The following LPIN2 variants were observed in gnomAD, a reference collection of about 807,000 sequenced individuals.
LPIN2 encodes the protein lipin 2.
A neutral mutation model predicts 111.4 loss-of-function variants in LPIN2; 55 were observed. The ratio of observed to expected loss-of-function variants is 0.49; its 90% CI spans 0.40 to 0.62. LPIN2 has a LOEUF of 0.62. Among genes scored for constraint, LPIN2 ranks in the 20% least tolerant of loss-of-function variants. The pLI is 0.00. For synonymous variants in LPIN2, 425 were observed against 414.0 expected (o/e 1.03, Z -0.32); for missense variants, 992 against 1,112.1 (o/e 0.89, Z 1.54).
At chr18:2,926,891 C>G in intron 12 of LPIN2, 86 bp from the exon 13 acceptor site, 2 of 1,001,504 alleles carry the variant, frequency 2.0e-6, no homozygotes, top group Non-Finnish European at 3.1e-6. Flanking sequence ...TAGGAAAGAA[C>G]ACAACTGCCT....
rs571373142 is a variant in LPIN2 at position 2,918,569 on chromosome 18, A to G, written c.*1724T>C. 3.4e-4 allele frequency: 52 copies of G among 152,356 alleles called. No individual in the cohort carries two copies. Among genetic ancestry groups the G allele is most frequent in the African/African-American group, 1.2e-3 (49 of 41,578 alleles). 9.4% of individuals were successfully genotyped at this position (152,356 alleles called of 1,614,324 possible). A position where few individuals can be genotyped will look rare whatever the true frequency, so the allele number is the denominator to read the frequency against. On this transcript the variant is annotated 3_prime_UTR_variant, in exon 20 of 20. Transcript: ENST00000677752. ...AGATAAATAAACTCATTAAACAATT[A>G]GTCCTTATCAACTATTTAAGCTGGG...
chr18:2,947,844 A>C (rs1218799894), intron 4 of LPIN2, among the ~76,000 whole-genome samples: 1 of 152,192 alleles, frequency 6.6e-6, no homozygotes, highest in East Asian at 1.9e-4. Flanking sequence ...GATTTTGAAC[A>C]CGTTGTTTCA....
chr18:2,927,388 T>C (rs1373306645), intron 12 of LPIN2, among the ~76,000 whole-genome samples: 3 of 152,234 alleles, frequency 2.0e-5, no homozygotes, highest in Non-Finnish European at 4.4e-5. Flanking sequence ...TGCTCCTATC[T>C]GATAGGTAAT....
intron 2 of LPIN2, among the ~76,000 whole-genome samples, chr18:2,960,110 CA>C (rs2077686024): frequency 6.6e-6 from 1 of 151,266 alleles, no homozygotes; most frequent in Admixed American, 6.6e-5. Context: ...GCGGAGGTTG[CA>C]GTGAGCCAAG....
At chr18:2,921,759 C>T (rs2077056880) in intron 17 of LPIN2, 112 bp from the exon 18 acceptor site, 7 of 833,588 alleles carry the variant, frequency 8.4e-6, no homozygotes, top group Middle Eastern at 2.8e-4. Flanking sequence ...CCCTTTGTAA[C>T]TGGAATCTTT....
rs184193388 is a variant in LPIN2, at chr18:2,919,935, C to A, written c.*358G>T. 2.8e-6 allele frequency: 1 copy of A among 357,946 alleles called. No individual in the cohort carries two copies. The highest frequency in any genetic ancestry group is 5.4e-6 in the Non-Finnish European group (1 of 184,244). The allele number at this position is 357,946 out of a possible 1,614,324, so 22.2% of individuals were successfully genotyped here. On this transcript the variant is annotated 3_prime_UTR_variant, in exon 20 of 20. Coordinates refer to ENST00000677752, the MANE Select transcript of LPIN2 (RefSeq NM_001375808.2). ...CAACTGCCCAGTGGAAACTGGAACACTTCACTGTGTGCAGTGTTTTGGTCC... is the reference window on the plus strand; with the variant it reads ...CAACTGCCCAGTGGAAACTGGAACAATTCACTGTGTGCAGTGTTTTGGTCC...
intron 1 of LPIN2, chr18:2,991,211 A>G (rs902021599): frequency 5.2e-6 from 1 of 191,230 alleles, no homozygotes; most frequent in Non-Finnish European, 1.1e-5. Flanking sequence ...CCTTCCTATT[A>G]AAGAAAGAAT....
chr18:2,957,991 AAGC>A lies in LPIN2; in HGVS notation c.192+2655_192+2657del, dbSNP rs895279658. ...ACCCCATCTCTACTAAAAACACAAA[AAGC>A]AGCCAGGCGTGGTAGCACGCGCCTA... On this transcript the variant is annotated intron_variant, in intron 2 of 19. Transcript: ENST00000677752. Among the ~76,000 whole-genome samples, 22 of 151,504 alleles carry A rather than the reference AAGC, an allele frequency of 1.5e-4. 1 individual carries two copies. Among genetic ancestry groups the A allele is most frequent in the Non-Finnish European group, 5.9e-5 (4 of 67,818 alleles).
chr18:2,947,008 C>T lies in LPIN2; in HGVS notation c.590+4047G>A, dbSNP rs149596399. ...TGTCACCCTGAGTGTCTACACTCAC[C>T]CCAGAAGAACATGGAGGGTTCTCTA... On this transcript the variant is annotated intron_variant, in intron 4 of 19. Transcript: ENST00000677752. 1,843 of 188,060 alleles carry T rather than the reference C, an allele frequency of 9.8e-3. 13 individuals carry two copies. Among genetic ancestry groups the T allele is most frequent in the Middle Eastern group, 0.025 (10 of 408 alleles). The allele number at this position is 188,060 out of a possible 1,614,324, so 11.6% of individuals were successfully genotyped here.
At chr18:2,928,733 AG>A (rs2077172159) in intron 10 of LPIN2, 73 bp from the exon 11 acceptor site, 2 of 926,626 alleles carry the variant, frequency 2.2e-6, no homozygotes, top group Non-Finnish European at 3.5e-6. Flanking sequence ...GGAATCAGGG[AG>A]GGAGGGAGGA....
intron 1 of LPIN2, among the ~76,000 whole-genome samples, chr18:2,973,388 T>C (rs1262291474): frequency 6.6e-6 from 1 of 152,224 alleles, no homozygotes; most frequent in East Asian, 1.9e-4. Context: ...ACTGATCTGC[T>C]TTCTGTCCCT....
chr18:2,920,899 A>T lies in LPIN2; in HGVS notation c.2443-18T>A. ...TAGACATCCTGCAGAAGAAAATAGC[A>T]AGCGGGTGATTCCAGGGAGGAGAAT... On this transcript the variant is annotated intron_variant, in intron 18 of 19. Transcript: ENST00000677752. 6.4e-7 allele frequency: 1 copy of T among 1,550,878 alleles called. No individual in the cohort carries two copies. Among genetic ancestry groups the T allele is most frequent in the Non-Finnish European group, 8.9e-7 (1 of 1,122,386 alleles).
chr18:2,928,742 G>C, intron 10 of LPIN2, 82 bp from the exon 11 acceptor site: 1 of 998,946 alleles, frequency 1.0e-6, no homozygotes, highest in Middle Eastern at 2.2e-4. Flanking sequence ...GAGGGAGGGA[G>C]GAGGGAAGTG....
rs754459829 is a variant in LPIN2 at position 2,984,584 on chromosome 18, G to GA, written c.-9-23736dup. Among the ~76,000 whole-genome samples the GA allele has an allele frequency of 6.6e-5, 10 of 151,564 alleles. No individual in the cohort carries two copies. The East Asian group carries it at 1.6e-3, about 24-fold the overall frequency. On this transcript the variant is annotated intron_variant, in intron 1 of 19. Transcript: ENST00000677752. The stretch of plus-strand genomic sequence containing the variant: ...AGATTAAAGAGAAACCTAAGAAGGT[G>GA]AAAAAAAGAAAAGTTAGAGGGGCAG...
At chr18:2,942,491 C>G (rs924212383) in intron 4 of LPIN2, among the ~76,000 whole-genome samples, 5 of 152,128 alleles carry the variant, frequency 3.3e-5, no homozygotes, top group Admixed American at 6.5e-5. Context: ...TTTTATATTA[C>G]AAATATTTTA....
At chr18:2,952,762 T>C (rs761340262) in intron 3 of LPIN2, among the ~76,000 whole-genome samples, 6 of 152,334 alleles carry the variant, frequency 3.9e-5, no homozygotes, top group Non-Finnish European at 8.8e-5. Context: ...ATTTCTTAGT[T>C]CTATTATAGC....
At chr18:2,928,347 A>G (rs1435360296) in intron 11 of LPIN2, among the ~76,000 whole-genome samples, 7 of 152,212 alleles carry the variant, frequency 4.6e-5, no homozygotes, top group African/African-American at 1.7e-4. Context: ...TTTACAGACC[A>G]TCAGAAACTA....
intron 19 of LPIN2, 55 bp from the exon 20 acceptor site, chr18:2,920,492 G>A: frequency 1.9e-6 from 3 of 1,588,156 alleles, no homozygotes; most frequent in Non-Finnish European, 2.6e-6. Flanking sequence ...TCGGTCAAAG[G>A]CACAAGATGG....
chr18:2,980,985 A>G (rs1306337990), intron 1 of LPIN2, among the ~76,000 whole-genome samples: 1 of 152,250 alleles, frequency 6.6e-6, no homozygotes, highest in African/African-American at 2.4e-5. Context: ...TAGCAAATAA[A>G]GGTATTGTCT....
Sources: allele counts gnomAD v4.1 joint callset (sites outside exome capture counted in the v4.1 genomes callset), GRCh38; gene constraint gnomAD v4.1.1; transcripts MANE v1.5; gene names NCBI Gene and HGNC (gene_info 2026-07-23, HGNC 2026-07-21).